Variants in RAPGEF4 observed in about 807,000 individuals in gnomAD.
RAPGEF4 encodes the protein Rap guanine nucleotide exchange factor 4, also known as RAP guanine-nucleotide-exchange factor (GEF) 4.
Under a neutral mutation model 147.9 loss-of-function variants are expected in RAPGEF4, and 66 were observed. The observed-to-expected ratio is 0.45, with a 90% CI of 0.37 to 0.55. RAPGEF4 has a LOEUF of 0.55. Ranked by LOEUF, RAPGEF4 falls within the 20% of genes least tolerant of loss-of-function variation. The pLI is 0.00. For missense variants in RAPGEF4, 1,071 were observed against 1,257.3 expected, an observed-to-expected ratio of 0.85 and a Z score of 2.24; for synonymous variants, 419 against 442.7, an observed-to-expected ratio of 0.95 and a Z score of 0.67.
At chr2:172,967,087 C>G (rs190947424) in intron 9 of RAPGEF4, 174 bp from the exon 10 acceptor site, 1 of 621,364 alleles carries the variant, frequency 1.6e-6, no homozygotes, top group Non-Finnish European at 2.8e-6. Flanking sequence ...ACTGCAGCCC[C>G]GAGGTCATGT....
At chr2:173,045,765 T>C (rs1183569938) in intron 29 of RAPGEF4, among the ~76,000 whole-genome samples, 1 of 152,192 alleles carries the variant, frequency 6.6e-6, no homozygotes, top group Non-Finnish European at 1.5e-5. Context: ...GGTAATGAGT[T>C]ACTCATTGCT....
chr2:173,028,714 C>G (rs1696896545), intron 25 of RAPGEF4, among the ~76,000 whole-genome samples: 1 of 152,038 alleles, frequency 6.6e-6, no homozygotes, highest in Non-Finnish European at 1.5e-5. Flanking sequence ...TTTACACAGC[C>G]CAGCTGAAGA....
chr2:172,748,704 A>G (rs922088431), intron 1 of RAPGEF4, among the ~76,000 whole-genome samples: 2 of 152,206 alleles, frequency 1.3e-5, no homozygotes, highest in East Asian at 1.9e-4. Flanking sequence ...TGCCTTCCCA[A>G]CTGTTCCCCA....
intron 4 of RAPGEF4, among the ~76,000 whole-genome samples, chr2:172,891,620 G>A (rs531055710): frequency 3.3e-5 from 5 of 152,328 alleles, no homozygotes; most frequent in African/African-American, 1.2e-4. Flanking sequence ...GAGGCAGATG[G>A]AAGGGGACAT....
At chr2:172,960,174 T>A (rs748415870) in intron 6 of RAPGEF4, among the ~76,000 whole-genome samples, 21 of 152,188 alleles carry the variant, frequency 1.4e-4, no homozygotes, top group Non-Finnish European at 2.2e-4. Flanking sequence ...TCCTGAACTC[T>A]GTACACTTTC....
chr2:172,989,042 A>C (rs893397196), intron 14 of RAPGEF4, among the ~76,000 whole-genome samples: 1 of 152,238 alleles, frequency 6.6e-6, no homozygotes, highest in African/African-American at 2.4e-5. Flanking sequence ...TAAAGCTGCA[A>C]ATGCAGGATG....
At chr2:172,990,165 T>G (rs1189870715) in intron 14 of RAPGEF4, among the ~76,000 whole-genome samples, 2 of 152,104 alleles carry the variant, frequency 1.3e-5, no homozygotes, top group Non-Finnish European at 2.9e-5. Flanking sequence ...GTTAAAATTT[T>G]TAAACTAACT....
intron 1 of RAPGEF4, among the ~76,000 whole-genome samples, chr2:172,749,747 A>C (rs1228450159): frequency 6.6e-6 from 1 of 152,116 alleles, no homozygotes; most frequent in Non-Finnish European, 1.5e-5. Flanking sequence ...TTTCTATTGC[A>C]TCATTGGGCT....
chr2:172,921,451 T>C (rs1684751913), intron 5 of RAPGEF4, among the ~76,000 whole-genome samples: 1 of 152,170 alleles, frequency 6.6e-6, no homozygotes, highest in African/African-American at 2.4e-5. Flanking sequence ...AAAAACAAAA[T>C]GTCCTGTTTA....
At chr2:172,810,846 T>C (rs1428840592) in intron 3 of RAPGEF4, among the ~76,000 whole-genome samples, 1 of 152,200 alleles carries the variant, frequency 6.6e-6, no homozygotes, top group Non-Finnish European at 1.5e-5. Context: ...CAGTGCAATT[T>C]AGGACCCACG....
rs142325821 is a variant in RAPGEF4, at chr2:172,871,566, T to C, written c.445-46236T>C. ...CTTCAGTTGTAAAATGGAAATAAGGTTCCCATTTCATAGACCTCACTAAAA... is the reference window on the plus strand; with the variant it reads ...CTTCAGTTGTAAAATGGAAATAAGGCTCCCATTTCATAGACCTCACTAAAA... On this transcript the variant is annotated intron_variant, in intron 4 of 30. Transcript: ENST00000397081. 3.4e-3 allele frequency among the ~76,000 whole-genome samples: 517 copies of C among 152,096 alleles called. 3 individuals are homozygous for C. Among genetic ancestry groups the C allele is most frequent in the African/African-American group, 0.012 (480 of 41,482 alleles).
At chr2:172,826,220 A>G (rs914968853) in intron 4 of RAPGEF4, among the ~76,000 whole-genome samples, 2 of 152,170 alleles carry the variant, frequency 1.3e-5, no homozygotes, top group African/African-American at 4.8e-5. Context: ...ATCCAGTAGA[A>G]TTGTGATCTT....
intron 3 of RAPGEF4, among the ~76,000 whole-genome samples, chr2:172,806,956 G>C (rs1687556897): frequency 6.6e-6 from 1 of 152,166 alleles, no homozygotes; most frequent in African/African-American, 2.4e-5. Flanking sequence ...ACCTTTGTCT[G>C]TCTTTCTCTT....
chr2:172,819,845 G>A (rs1412249451), intron 4 of RAPGEF4, among the ~76,000 whole-genome samples: 2 of 152,306 alleles, frequency 1.3e-5, no homozygotes, highest in East Asian at 1.9e-4. Flanking sequence ...CAGTAAGGAA[G>A]TTAAATGGCA....
chr2:172,770,994 G>T (rs1243842753), intron 1 of RAPGEF4, among the ~76,000 whole-genome samples: 2 of 152,090 alleles, frequency 1.3e-5, no homozygotes, highest in Non-Finnish European at 2.9e-5. Context: ...TTCAGTTGTT[G>T]CAGAATATAG....
At chr2:172,866,730 C>T (rs1694688529) in intron 4 of RAPGEF4, among the ~76,000 whole-genome samples, 1 of 152,006 alleles carries the variant, frequency 6.6e-6, no homozygotes, top group Non-Finnish European at 1.5e-5. Flanking sequence ...CAATAATTTG[C>T]TGAATTACCC....
intron 4 of RAPGEF4, among the ~76,000 whole-genome samples, chr2:172,908,644 G>C (rs1253228051): frequency 6.6e-6 from 1 of 152,040 alleles, no homozygotes; most frequent in African/African-American, 2.4e-5. Flanking sequence ...TTATTTTTTA[G>C]GATCCAAAGT....
chr2:172,971,693 G>C (rs1473421793), intron 10 of RAPGEF4, among the ~76,000 whole-genome samples: 1 of 152,096 alleles, frequency 6.6e-6, no homozygotes, highest in African/African-American at 2.4e-5. Context: ...AAAGTGAAAA[G>C]TAAGGAATCT....
At chr2:172,774,461 CTACCCCCATGCCTT>C (rs1683960581) in intron 1 of RAPGEF4, among the ~76,000 whole-genome samples, 1 of 152,218 alleles carries the variant, frequency 6.6e-6, no homozygotes, top group Non-Finnish European at 1.5e-5. Flanking sequence ...CTGTCATTTC[CTACCCCCATGCCTT>C]TACTCAAGCT....
Sources: allele counts gnomAD v4.1 joint callset (sites outside exome capture counted in the v4.1 genomes callset), GRCh38; gene constraint gnomAD v4.1.1; transcripts MANE v1.5; gene names NCBI Gene and HGNC (gene_info 2026-07-23, HGNC 2026-07-21).